The following OSTN variants were observed in gnomAD, a reference collection of about 807,000 sequenced individuals.
OSTN encodes the protein osteocrin.
OSTN carries 9 observed loss-of-function variants against 12.0 expected under a neutral mutation model. The ratio of observed to expected loss-of-function variants is 0.75; its 90% CI spans 0.45 to 1.30. The LOEUF is 1.30. Among genes scored for constraint, OSTN ranks in the 50% most tolerant of loss-of-function variants. The pLI is 0.00. For synonymous variants in OSTN, 59 were observed against 56.9 expected, an observed-to-expected ratio of 1.04 and a Z score of -0.16; for missense variants, 148 against 152.3, an observed-to-expected ratio of 0.97 and a Z score of 0.15.
intron 3 of OSTN, among the ~76,000 whole-genome samples, chr3:191,223,820 A>G (rs1001826358): frequency 5.3e-5 from 8 of 152,178 alleles, no homozygotes; most frequent in Non-Finnish European, 8.8e-5. Flanking sequence ...GTTTTAAAAT[A>G]TGATTTAAAA....
At chr3:191,259,837 C>T (rs1392562320) in intron 4 of OSTN, among the ~76,000 whole-genome samples, 2 of 149,114 alleles carry the variant, frequency 1.3e-5, no homozygotes, top group South Asian at 4.2e-4. Context: ...AGCTATGACC[C>T]TATTATGTAT....
chr3:191,225,869 ATT>A (rs1714896662), intron 3 of OSTN, among the ~76,000 whole-genome samples: 1 of 152,136 alleles, frequency 6.6e-6, no homozygotes, highest in South Asian at 2.1e-4. Flanking sequence ...CCTACTGAGT[ATT>A]ATGTTCACTA....
intron 3 of OSTN, among the ~76,000 whole-genome samples, chr3:191,224,169 G>A (rs978552963): frequency 6.6e-6 from 1 of 152,068 alleles, no homozygotes; most frequent in Non-Finnish European, 1.5e-5. Flanking sequence ...CCTGAGGTCG[G>A]GAGTTGGATG....
At chr3:191,207,696 T>C (rs1194416620) in intron 1 of OSTN, among the ~76,000 whole-genome samples, 1 of 152,228 alleles carries the variant, frequency 6.6e-6, no homozygotes, top group Non-Finnish European at 1.5e-5. Flanking sequence ...AACTCTGGTT[T>C]AAATATAATT....
In OSTN at chr3:191,249,941, C is replaced by T. The variant is rs1432475296; in HGVS notation, c.318-96C>T. 2.2e-5 allele frequency: 20 copies of T among 893,710 alleles called. No homozygotes were observed. The Admixed American group carries it at 3.9e-4, about 17-fold the overall frequency. The allele number at this position is 893,710 out of a possible 1,614,324, so 55.4% of individuals were successfully genotyped here. ...GAACTATCATGTTTATTCCAACTCC[C>T]AAAGAAAGCCCCCAGAGCTACATAA... is the stretch of plus-strand genomic sequence containing the variant. On this transcript the variant is annotated intron_variant, in intron 3 of 4. Transcript: ENST00000682035.
At chr3:191,202,156 C>T (rs1423775812) in intron 1 of OSTN, among the ~76,000 whole-genome samples, 1 of 152,168 alleles carries the variant, frequency 6.6e-6, no homozygotes, top group Non-Finnish European at 1.5e-5. Flanking sequence ...TGTCTCAGTT[C>T]ACAGATGTTT....
intron 4 of OSTN, among the ~76,000 whole-genome samples, chr3:191,252,199 A>C (rs1169811037): frequency 6.6e-6 from 1 of 152,182 alleles, no homozygotes; most frequent in African/African-American, 2.4e-5. Flanking sequence ...ATCTGGGACT[A>C]CAGGCGTGCG....
intron 3 of OSTN, among the ~76,000 whole-genome samples, chr3:191,231,744 A>G (rs1254846305): frequency 6.6e-6 from 1 of 152,156 alleles, no homozygotes; most frequent in Non-Finnish European, 1.5e-5. Context: ...AAGGTAATAC[A>G]TCTGAGATCC....
At chr3:191,211,521 G>T (rs1445234400) in intron 1 of OSTN, among the ~76,000 whole-genome samples, 2 of 152,150 alleles carry the variant, frequency 1.3e-5, no homozygotes, top group South Asian at 4.1e-4. Flanking sequence ...CACATACCTA[G>T]AAGTGAAATA....
intron 4 of OSTN, among the ~76,000 whole-genome samples, chr3:191,256,212 C>A (rs907326998): frequency 5.3e-5 from 8 of 151,940 alleles, no homozygotes; most frequent in Non-Finnish European, 8.8e-5. Context: ...TTTCAGGAAC[C>A]TCATACAATT....
intron 2 of OSTN, among the ~76,000 whole-genome samples, chr3:191,218,524 G>A (rs1323500651): frequency 2.0e-5 from 3 of 152,194 alleles, no homozygotes; most frequent in South Asian, 4.1e-4. Flanking sequence ...TTGGGAAGCC[G>A]AAGCAGGAGA....
At chr3:191,238,541 T>A (rs1715252826) in intron 3 of OSTN, among the ~76,000 whole-genome samples, 1 of 152,208 alleles carries the variant, frequency 6.6e-6, no homozygotes, top group Non-Finnish European at 1.5e-5. Context: ...GAAACGAGGC[T>A]GTGATACAGC....
chr3:191,241,043 T>A (rs1715305345), intron 3 of OSTN, among the ~76,000 whole-genome samples: 6 of 152,178 alleles, frequency 3.9e-5, no homozygotes, highest in Admixed American at 3.9e-4. Context: ...TATACTATAA[T>A]AATTAACTTC....
At chr3:191,232,506 C>CTA (rs150235705) in intron 3 of OSTN, among the ~76,000 whole-genome samples, 49,839 of 146,132 alleles carry the variant, frequency 0.34, 9,985 homozygotes, top group Non-Finnish European at 0.43. Flanking sequence ...AAAGTAAATG[C>CTA]TATATATATA....
chr3:191,258,720 C>A (rs1715733519), intron 4 of OSTN, among the ~76,000 whole-genome samples: 1 of 151,786 alleles, frequency 6.6e-6, no homozygotes, highest in Admixed American at 6.6e-5. Flanking sequence ...GAGGAAAGCA[C>A]CATGGAAACC....
intron 2 of OSTN, among the ~76,000 whole-genome samples, chr3:191,214,888 C>T (rs750185205): frequency 6.6e-6 from 1 of 151,666 alleles, no homozygotes; most frequent in Non-Finnish European, 1.5e-5. Context: ...GGTGACCACC[C>T]ATAATCCCAG....
intron 4 of OSTN, among the ~76,000 whole-genome samples, chr3:191,255,227 C>T (rs1396450457): frequency 1.3e-5 from 2 of 152,216 alleles, no homozygotes; most frequent in Non-Finnish European, 2.9e-5. Context: ...GTGGATCTGA[C>T]AGAAGGTGGA....
At chr3:191,254,365 C>T (rs1560125699) in intron 4 of OSTN, among the ~76,000 whole-genome samples, 1 of 152,186 alleles carries the variant, frequency 6.6e-6, no homozygotes, top group Non-Finnish European at 1.5e-5. Flanking sequence ...CTGAGAAGTC[C>T]GTATCAGCAG....
chr3:191,250,482 G>A lies in OSTN; in HGVS notation c.*12+349G>A, dbSNP rs575967044. Among the ~76,000 whole-genome samples the A allele has an allele frequency of 3.2e-4, 48 of 152,160 alleles. No individual in the cohort carries two copies. In the Middle Eastern group the frequency reaches 0.01, roughly 32 times the overall value. ...TCCATAAATATATAAAAATCCTTGC[G>A]TTATGAAGAAGACACATTCAAGTGA... On this transcript the variant is annotated intron_variant, in intron 4 of 4. Coordinates refer to ENST00000682035, the MANE Select transcript of OSTN (RefSeq NM_198184.2).
Sources: allele counts gnomAD v4.1 joint callset (sites outside exome capture counted in the v4.1 genomes callset), GRCh38; gene constraint gnomAD v4.1.1; transcripts MANE v1.5; gene names NCBI Gene and HGNC (gene_info 2026-07-23, HGNC 2026-07-21).